USP6NL: variants seen among roughly 807,000 people sequenced by gnomAD.
USP6NL encodes the protein USP6 N-terminal like.
Under a neutral mutation model 61.9 loss-of-function variants are expected in USP6NL, and 26 were observed. The observed-to-expected ratio is 0.42, with a 90% CI of 0.31 to 0.58. USP6NL has a LOEUF of 0.58. USP6NL is among the 20% of genes least tolerant of loss of function. USP6NL has a pLI of 0.16. For synonymous variants in USP6NL, 432 were observed against 390.1 expected, an observed-to-expected ratio of 1.11 and a Z score of -1.27; for missense variants, 1,114 against 1,034.3, an observed-to-expected ratio of 1.08 and a Z score of -1.06.
rs777006146 is a variant in USP6NL at position 11,585,921 on chromosome 10, C to T, written c.4+11710G>A. Among the ~76,000 whole-genome samples the T allele has an allele frequency of 7.9e-5, 12 of 151,888 alleles. No individual in the cohort carries two copies. Among genetic ancestry groups the T allele is most frequent in the African/African-American group, 2.2e-4 (9 of 41,326 alleles). On this transcript the variant is annotated intron_variant, in intron 2 of 14. Coordinates refer to ENST00000609104, the MANE Select transcript of USP6NL (RefSeq NM_014688.5). The surrounding 1 kb of genome is among the most constrained non-coding windows in gnomAD (Gnocchi z 4.5). Reference sequence around the variant, plus strand: ...CATGAGGTACCTAGAGGTCAGAGGCCGGGAAGAGGAAGAAACAGAGCATTA... The same window carrying T: ...CATGAGGTACCTAGAGGTCAGAGGCTGGGAAGAGGAAGAAACAGAGCATTA...
At chr10:11,550,105 C>G in intron 2 of USP6NL, among the ~76,000 whole-genome samples, 1 of 152,082 alleles carries the variant, frequency 6.6e-6, no homozygotes, top group Admixed American at 6.6e-5. Context: ...TAAACCTTGG[C>G]CTTTACCTCA....
intron 2 of USP6NL, among the ~76,000 whole-genome samples, chr10:11,529,739 T>C (rs1028117895): frequency 6.6e-6 from 1 of 152,190 alleles, no homozygotes; most frequent in African/African-American, 2.4e-5. Context: ...TACAAGCCTT[T>C]GTCAGTTCCT....
At chr10:11,564,474 T>C (rs1302370966) in intron 2 of USP6NL, 1 of 152,178 alleles carries the variant, frequency 6.6e-6, no homozygotes, top group East Asian at 1.9e-4. Context: ...TGATAAGCCA[T>C]AGAGAAACAA....
rs931219743 is a variant in USP6NL at position 11,487,959 on chromosome 10, G to A, written c.664+1143C>T. Among the ~76,000 whole-genome samples, 3 of 152,148 alleles carry A rather than the reference G, an allele frequency of 2.0e-5. No individual in the cohort carries two copies. Among genetic ancestry groups the A allele is most frequent in the African/African-American group, 7.2e-5 (3 of 41,434 alleles). On this transcript the variant is annotated intron_variant, in intron 10 of 14. Coordinates refer to ENST00000609104, the MANE Select transcript of USP6NL (RefSeq NM_014688.5). The surrounding 1 kb of genome is among the most constrained non-coding windows in gnomAD (Gnocchi z 4.2). ...ACCACACAAAGCTTATTCACAAACTGAACTTGGAAGATCCATTCTTAGAAT... is the reference window on the plus strand; with the variant it reads ...ACCACACAAAGCTTATTCACAAACTAAACTTGGAAGATCCATTCTTAGAAT...
At chr10:11,605,360 A>G (rs1838670978) in intron 1 of USP6NL, among the ~76,000 whole-genome samples, 1 of 152,190 alleles carries the variant, frequency 6.6e-6, no homozygotes, top group South Asian at 2.1e-4. Flanking sequence ...TAAACCAATT[A>G]TTGCATAGAC....
rs1036096513 is a variant in USP6NL, at chr10:11,491,969, G to A, written c.495-1089C>T. On this transcript the variant is annotated intron_variant, in intron 8 of 14. Transcript: ENST00000609104. This position sits in a 1 kb window ranked among gnomAD's most constrained non-coding sequence, Gnocchi z 4.7. ...ATTTCTTCCTTATTTTTTTGTAAAT[G>A]TGCTTGTATATATACCAACAAATAT... Among the ~76,000 whole-genome samples, 1 of 152,154 alleles carries A rather than the reference G, an allele frequency of 6.6e-6. No homozygotes were observed. The highest frequency in any genetic ancestry group is 2.4e-5 in the African/African-American group (1 of 41,432).
Position 11,463,371 on chromosome 10 carries a change from G to A in USP6NL, c.1557C>T (p.Val519=), listed in dbSNP as rs780247949. The change falls in exon 15 of 15, where the codon GTC becomes GTT. Residue 519 remains valine, a synonymous_variant. Transcript: ENST00000609104. The surrounding 1 kb of genome is among the most constrained non-coding windows in gnomAD (Gnocchi z 6.3). ...RAAHPALAVT[V]PGPAEVRVSN... Reference sequence around the variant, plus strand: ...ACACCCGCACCTCGGCAGGACCTGGGACGGTAACTGCGAGCGCGGGGTGCG... The same window carrying A: ...ACACCCGCACCTCGGCAGGACCTGGAACGGTAACTGCGAGCGCGGGGTGCG... The A allele has an allele frequency of 3.1e-6, 5 of 1,614,008 alleles. No homozygotes were observed. Among genetic ancestry groups the A allele is most frequent in the Non-Finnish European group, 4.2e-6 (5 of 1,179,902 alleles).
rs1305335256 is a variant in USP6NL, at chr10:11,561,382, G to T, written c.5-33815C>A. On this transcript the variant is annotated intron_variant, in intron 2 of 14. Transcript: ENST00000609104. The surrounding 1 kb of genome is among the most constrained non-coding windows in gnomAD (Gnocchi z 4.1). ...TTTCTCCTTTGCACATTCTAAAACA[G>T]ATTTAAACATACCATACACAGGATA... Among the ~76,000 whole-genome samples the T allele has an allele frequency of 6.6e-6, 1 of 152,154 alleles. No homozygotes were observed. Among genetic ancestry groups the T allele is most frequent in the Admixed American group, 6.5e-5 (1 of 15,270 alleles).
chr10:11,468,033 C>G lies in USP6NL; in HGVS notation c.1079-4184G>C, dbSNP rs1832551305. On this transcript the variant is annotated intron_variant, in intron 14 of 14. Transcript: ENST00000609104. The surrounding 1 kb of genome is among the most constrained non-coding windows in gnomAD (Gnocchi z 4.5). Reference sequence around the variant, plus strand: ...TCTTCCAATTCATTAAATGAGCAATCTTACCAAAAAACAAAGTCAGATTAA... The same window carrying G: ...TCTTCCAATTCATTAAATGAGCAATGTTACCAAAAAACAAAGTCAGATTAA... Among the ~76,000 whole-genome samples the G allele has an allele frequency of 6.6e-6, 1 of 152,180 alleles. No individual in the cohort carries two copies. Among genetic ancestry groups the G allele is most frequent in the South Asian group, 2.1e-4 (1 of 4,826 alleles).
At chr10:11,530,101 CAAA>C (rs900768943) in intron 2 of USP6NL, among the ~76,000 whole-genome samples, 7 of 72,004 alleles carry the variant, frequency 9.7e-5, no homozygotes, top group Non-Finnish European at 1.1e-4. Context: ...GACCCTGTCT[CAAA>C]AAAAAAAAAA....
chr10:11,564,861 CTT>C (rs1173733116), intron 2 of USP6NL: 1 of 152,232 alleles, frequency 6.6e-6, no homozygotes, highest in Non-Finnish European at 1.5e-5. Flanking sequence ...AATATCCACT[CTT>C]TTCTCCATTA....
intron 10 of USP6NL, among the ~76,000 whole-genome samples, chr10:11,488,527 AT>A (rs1361209605): frequency 2.6e-5 from 4 of 152,384 alleles, no homozygotes; most frequent in Non-Finnish European, 4.4e-5. Context: ...GTTCTGAGAT[AT>A]TAAATAATCG....
At position 11,600,929 on chromosome 10, in the gene USP6NL, C is replaced by T. The variant is rs1838505098; in HGVS notation, c.-83-3212G>A. 6.6e-6 allele frequency among the ~76,000 whole-genome samples: 1 copy of T among 151,934 alleles called. No homozygotes were observed. The highest frequency in any genetic ancestry group is 1.5e-5 in the Non-Finnish European group (1 of 68,004). On this transcript the variant is annotated intron_variant, in intron 1 of 14. Coordinates refer to ENST00000609104, the MANE Select transcript of USP6NL (RefSeq NM_014688.5). The surrounding 1 kb of genome is among the most constrained non-coding windows in gnomAD (Gnocchi z 4.1). ...GCTGCAGTAAGCCAAGATCGCACCA[C>T]TGCACTCCAGCCTGGGCAACAGAGC...
chr10:11,492,373 C>T (rs568606311), intron 8 of USP6NL, among the ~76,000 whole-genome samples: 2 of 152,324 alleles, frequency 1.3e-5, no homozygotes, highest in African/African-American at 4.8e-5. Flanking sequence ...GATAAAAATC[C>T]ATAATCTGTT....
At position 11,537,856 on chromosome 10, in the gene USP6NL, G is replaced by C. The variant is rs1345498044; in HGVS notation, c.5-10289C>G. 6.6e-6 allele frequency among the ~76,000 whole-genome samples: 1 copy of C among 151,844 alleles called. No individual in the cohort carries two copies. Among genetic ancestry groups the C allele is most frequent in the Admixed American group, 6.5e-5 (1 of 15,278 alleles). ...GATTTCCCTTCCCGTCAGCTTCCCA[G>C]CTGCCACCTCAGCCTCCCTTCAAGG... On this transcript the variant is annotated intron_variant, in intron 2 of 14. Transcript: ENST00000609104. The surrounding 1 kb of genome is among the most constrained non-coding windows in gnomAD (Gnocchi z 5.1).
At position 11,463,518 on chromosome 10, in the gene USP6NL, G is replaced by T; in HGVS notation, c.1410C>A (p.Asn470Lys). The change falls in exon 15 of 15, where the codon AAC (asparagine) becomes AAA (lysine). Residue 470 changes from asparagine (N) to lysine (K), a missense_variant. Coordinates refer to ENST00000609104, the MANE Select transcript of USP6NL (RefSeq NM_014688.5). The surrounding 1 kb of genome is among the most constrained non-coding windows in gnomAD (Gnocchi z 6.3). ...SSRQYNHAAA[N>K]QNSNATSNIR... ...TATTTGAAGTGGCGTTGCTATTTTG[G>T]TTGGCAGCTGCGTGATTATATTGCC... The T allele has an allele frequency of 6.2e-7, 1 of 1,614,042 alleles. No individual in the cohort carries two copies. Among genetic ancestry groups the T allele is most frequent in the Non-Finnish European group, 8.5e-7 (1 of 1,179,894 alleles).
chr10:11,472,948 C>G (rs1235816013), intron 14 of USP6NL, among the ~76,000 whole-genome samples: 7 of 152,124 alleles, frequency 4.6e-5, no homozygotes, highest in Admixed American at 2.0e-4. Context: ...CTTTAAAAAC[C>G]TACACTTTGT....
At chr10:11,479,297 A>T (rs1566120932) in intron 14 of USP6NL, among the ~76,000 whole-genome samples, 1 of 152,214 alleles carries the variant, frequency 6.6e-6, no homozygotes, top group Non-Finnish European at 1.5e-5. Flanking sequence ...GTATGAACAG[A>T]CCAATAGAAA....
chr10:11,489,104 T>A lies in USP6NL; in HGVS notation c.662A>T (p.His221Leu). The A allele has an allele frequency of 6.2e-7, 1 of 1,613,854 alleles. No individual in the cohort carries two copies. Among genetic ancestry groups the A allele is most frequent in the Non-Finnish European group, 8.5e-7 (1 of 1,179,790 alleles). Residue 221 changes from histidine (H) to leucine (L), a missense_variant and splice_region_variant, in exon 10 of 15, where the codon CAT becomes CTT. By Grantham distance (99) the His-to-Leu change is moderately conservative. Coordinates refer to ENST00000609104, the MANE Select transcript of USP6NL (RefSeq NM_014688.5). The surrounding 1 kb of genome is among the most constrained non-coding windows in gnomAD (Gnocchi z 5.7). ...KLFSGPKHAM[H>L]GFFVQGFPKL... ...GATAAAGCACAGGGTTTTCTTACCATGCATGGCATGTTTAGGGCCTGAGAA... is the reference window on the plus strand; with the variant it reads ...GATAAAGCACAGGGTTTTCTTACCAAGCATGGCATGTTTAGGGCCTGAGAA...
Sources: gnomAD v4.1 joint callset for allele counts (sites outside exome capture counted in the v4.1 genomes callset) on GRCh38, gnomAD v4.1.1 for gene constraint, Gnocchi (gnomAD v3.1) non-coding constraint, MANE v1.5 for transcripts, NCBI Gene and HGNC (gene_info 2026-07-23, HGNC 2026-07-21) for gene names.